The following PRKD1 variants were observed in gnomAD, a reference collection of about 807,000 sequenced individuals.
The protein encoded by PRKD1 is serine/threonine-protein kinase D1.
A neutral mutation model predicts 95.9 loss-of-function variants in PRKD1; 63 were observed. The observed-to-expected ratio is 0.66, with a 90% CI of 0.54 to 0.81. The LOEUF (loss-of-function observed/expected upper bound fraction) is 0.81, where lower values mean the gene tolerates loss of function less well. PRKD1 is among the 30% of genes least tolerant of loss of function. The pLI, the probability that PRKD1 is intolerant of heterozygous loss-of-function variation, is 0.00. For synonymous variants in PRKD1, 425 were observed against 423.1 expected, an observed-to-expected ratio of 1.00 and a Z score of -0.05; for missense variants, 1,048 against 1,165.3, an observed-to-expected ratio of 0.90 and a Z score of 1.47.
intron 1 of PRKD1, among the ~76,000 whole-genome samples, chr14:29,841,397 G>A (rs907173915): frequency 2.6e-5 from 4 of 152,162 alleles, no homozygotes; most frequent in African/African-American, 4.8e-5. Flanking sequence ...ATCGTATCCT[G>A]AGTTCTAACT....
chr14:29,812,347 G>A (rs531678994), intron 1 of PRKD1, among the ~76,000 whole-genome samples: 5 of 152,220 alleles, frequency 3.3e-5, no homozygotes, highest in African/African-American at 9.6e-5. Context: ...ATAATTTGAC[G>A]TTAATATGTA....
intron 2 of PRKD1, among the ~76,000 whole-genome samples, chr14:29,684,968 A>G (rs1953716): frequency 0.52 from 78,896 of 152,060 alleles, 23,096 homozygotes; most frequent in African/African-American, 0.8. Context: ...AGTATTCTAC[A>G]AAAAGCATAT....
intron 4 of PRKD1, among the ~76,000 whole-genome samples, chr14:29,640,723 A>G (rs1389032915): frequency 6.6e-6 from 1 of 152,202 alleles, no homozygotes; most frequent in African/African-American, 2.4e-5. Flanking sequence ...TAAAATGAAA[A>G]TATTTTTCCA....
chr14:29,685,784 C>T (rs375907383), intron 2 of PRKD1, among the ~76,000 whole-genome samples: 13 of 151,634 alleles, frequency 8.6e-5, no homozygotes, highest in African/African-American at 3.2e-4. Context: ...AATACTGGAC[C>T]AGCTAACTAT....
chr14:29,717,868 G>A (rs1167768091), intron 2 of PRKD1, among the ~76,000 whole-genome samples: 1 of 152,102 alleles, frequency 6.6e-6, no homozygotes, highest in Non-Finnish European at 1.5e-5. Flanking sequence ...CCTCTGCCTT[G>A]ATATTTAGGG....
chr14:29,705,198 C>T, intron 2 of PRKD1, among the ~76,000 whole-genome samples: 1 of 152,030 alleles, frequency 6.6e-6, no homozygotes, highest in South Asian at 2.1e-4. Flanking sequence ...ATAACTTATT[C>T]CCAAGAAATA....
intron 1 of PRKD1, among the ~76,000 whole-genome samples, chr14:29,821,312 A>G (rs569049419): frequency 1.3e-5 from 2 of 152,304 alleles, no homozygotes; most frequent in South Asian, 4.1e-4. Flanking sequence ...AGGAGAATGA[A>G]CAGCAGCCAG....
intron 13 of PRKD1, among the ~76,000 whole-genome samples, chr14:29,615,003 T>C (rs1878758702): frequency 6.6e-6 from 1 of 151,626 alleles, no homozygotes; most frequent in Non-Finnish European, 1.5e-5. Context: ...CGAGCCACTA[T>C]ACCCAGCCAA....
intron 2 of PRKD1, among the ~76,000 whole-genome samples, chr14:29,672,885 A>C (rs983298739): frequency 2.0e-4 from 31 of 152,148 alleles, no homozygotes; most frequent in African/African-American, 6.7e-4. Context: ...ACTCCTTCTC[A>C]GAAAAAAAAA....
intron 1 of PRKD1, among the ~76,000 whole-genome samples, chr14:29,912,128 C>T (rs1390729109): frequency 6.6e-6 from 1 of 152,134 alleles, no homozygotes; most frequent in East Asian, 1.9e-4. Context: ...AGGTCTTATG[C>T]GATTGGACTG....
At chr14:29,903,024 A>C (rs563174049) in intron 1 of PRKD1, among the ~76,000 whole-genome samples, 1 of 152,208 alleles carries the variant, frequency 6.6e-6, no homozygotes, top group Non-Finnish European at 1.5e-5. Context: ...TTGGGCCCCA[A>C]ATTTGGCTCT....
intron 2 of PRKD1, among the ~76,000 whole-genome samples, chr14:29,695,234 CAA>C (rs34575259): frequency 1.6e-3 from 150 of 95,096 alleles, no homozygotes; most frequent in South Asian, 9.1e-3. Flanking sequence ...AACTCCATCT[CAA>C]AAAAAAAAAA....
intron 2 of PRKD1, among the ~76,000 whole-genome samples, chr14:29,724,537 C>G (rs1358729587): frequency 6.6e-6 from 1 of 152,152 alleles, no homozygotes; most frequent in Non-Finnish European, 1.5e-5. Flanking sequence ...ATCCCAGGAT[C>G]TCACACAACT....
intron 2 of PRKD1, among the ~76,000 whole-genome samples, chr14:29,699,954 G>A (rs1399150547): frequency 1.3e-5 from 2 of 152,052 alleles, no homozygotes; most frequent in Admixed American, 1.3e-4. Context: ...CTTTTGGAAT[G>A]TATTCTTTTT....
intron 2 of PRKD1, among the ~76,000 whole-genome samples, chr14:29,670,499 T>C (rs1053302067): frequency 1.3e-5 from 2 of 152,216 alleles, no homozygotes; most frequent in African/African-American, 4.8e-5. Context: ...TAGGATTGTC[T>C]ATATATTTCT....
intron 9 of PRKD1, among the ~76,000 whole-genome samples, chr14:29,632,310 G>A (rs1880059204): frequency 6.6e-6 from 1 of 151,918 alleles, no homozygotes; most frequent in Non-Finnish European, 1.5e-5. Context: ...TTTTGAAGGA[G>A]CAAGTATCTA....
intron 1 of PRKD1, among the ~76,000 whole-genome samples, chr14:29,765,380 G>A (rs1203472769): frequency 6.6e-6 from 1 of 152,156 alleles, no homozygotes; most frequent in Non-Finnish European, 1.5e-5. Context: ...TATCGAGCCT[G>A]AGAACAAGAC....
At chr14:29,789,206 C>T (rs566178361) in intron 1 of PRKD1, among the ~76,000 whole-genome samples, 80 of 151,988 alleles carry the variant, frequency 5.3e-4, no homozygotes, top group Non-Finnish European at 7.9e-4. Flanking sequence ...TCTTTGATAT[C>T]GTTACTTGGA....
intron 1 of PRKD1, among the ~76,000 whole-genome samples, chr14:29,883,450 AT>A (rs1166256033): frequency 1.3e-5 from 2 of 152,138 alleles, no homozygotes; most frequent in African/African-American, 4.8e-5. Context: ...TATTTATTGC[AT>A]TTTTCTCTAT....
Sources: gnomAD v4.1 joint callset for allele counts (sites outside exome capture counted in the v4.1 genomes callset) on GRCh38, gnomAD v4.1.1 for gene constraint, MANE v1.5 for transcripts, NCBI Gene and HGNC (gene_info 2026-07-23, HGNC 2026-07-21) for gene names.